Variants in RAP1B observed in about 807,000 individuals in gnomAD.
RAP1B encodes ras-related protein Rap-1b.
A neutral mutation model predicts 27.5 loss-of-function variants in RAP1B; 1 was observed. That is an observed-to-expected ratio of 0.04 (90% CI 0.01 to 0.17). The LOEUF (loss-of-function observed/expected upper bound fraction) is 0.17, where lower values mean the gene tolerates loss of function less well. RAP1B is among the 10% of genes least tolerant of loss of function. RAP1B has a pLI of 1.00. For synonymous variants in RAP1B, 75 were observed against 73.1 expected (o/e 1.03, Z -0.13); for missense variants, 84 against 214.8 (o/e 0.39, Z 3.81).
intron 1 of RAP1B, among the ~76,000 whole-genome samples, chr12:68,636,002 CTGAG>C (rs950295754): frequency 3.3e-5 from 5 of 151,810 alleles, no homozygotes; most frequent in African/African-American, 1.2e-4. Flanking sequence ...CCTCAGCTTC[CTGAG>C]TATCTGGGAC....
chr12:68,663,109 G>GCGC lies in RAP1B; in HGVS notation c.*3861_*3862insGCC, dbSNP rs1874693984. On this transcript the variant is annotated 3_prime_UTR_variant, in exon 8 of 8. Transcript: ENST00000250559. Reference sequence around the variant, plus strand: ...ACTGAGTTTCGCTCTTGTTGCCCAGGCTGGCGTACAGTGGTGCGATCTTGG... The same window carrying GCGC: ...ACTGAGTTTCGCTCTTGTTGCCCAGGCGCCTGGCGTACAGTGGTGCGATCTTGG... 6.6e-6 allele frequency: 1 copy of GCGC among 151,154 alleles called. No homozygotes were observed. Among genetic ancestry groups the GCGC allele is most frequent in the Admixed American group, 6.6e-5 (1 of 15,138 alleles). 9.4% of individuals were successfully genotyped at this position (151,154 alleles called of 1,614,324 possible). A position where few individuals can be genotyped will look rare whatever the true frequency, so the allele number is the denominator to read the frequency against.
At chr12:68,613,404 A>T (rs1592412717) in intron 1 of RAP1B, among the ~76,000 whole-genome samples, 1 of 151,344 alleles carries the variant, frequency 6.6e-6, no homozygotes, top group African/African-American at 2.4e-5. Context: ...AAAAAAAAAA[A>T]AAAAGGAGAT....
intron 1 of RAP1B, among the ~76,000 whole-genome samples, chr12:68,611,884 C>T (rs528768587): frequency 6.6e-6 from 1 of 152,230 alleles, no homozygotes; most frequent in East Asian, 1.9e-4. Context: ...AAAACTACGC[C>T]CAGTGAACCG....
Position 68,665,265 on chromosome 12 carries a change from G to C in RAP1B, c.*6016G>C, listed in dbSNP as rs1284202256. ...AACTAAAGCAACAGATTTGCCAGCT[G>C]TGTGAAAGATAACCCAGAGAGGGGT... is the stretch of plus-strand genomic sequence containing the variant. On this transcript the variant is annotated 3_prime_UTR_variant, in exon 8 of 8. Coordinates refer to ENST00000250559, the MANE Select transcript of RAP1B (RefSeq NM_001010942.3). The C allele has an allele frequency of 2.0e-5, 3 of 152,264 alleles. No homozygotes were observed. The highest frequency in any genetic ancestry group is 4.4e-5 in the Non-Finnish European group (3 of 68,072). 9.4% of individuals were successfully genotyped at this position (152,264 alleles called of 1,614,324 possible). A position where few individuals can be genotyped will look rare whatever the true frequency, so the allele number is the denominator to read the frequency against.
At chr12:68,646,581 C>G (rs960934198) in intron 1 of RAP1B, among the ~76,000 whole-genome samples, 2 of 152,214 alleles carry the variant, frequency 1.3e-5, no homozygotes, top group Non-Finnish European at 2.9e-5. Context: ...GGCCACTGCG[C>G]CCGGCCCACT....
chr12:68,637,297 AT>A (rs1872690590), intron 1 of RAP1B, among the ~76,000 whole-genome samples: 1 of 152,084 alleles, frequency 6.6e-6, no homozygotes. Context: ...TATTTCACAG[AT>A]TAAGACACCA....
At chr12:68,614,853 A>G (rs966801829) in intron 1 of RAP1B, among the ~76,000 whole-genome samples, 6 of 152,194 alleles carry the variant, frequency 3.9e-5, no homozygotes, top group South Asian at 2.1e-4. Context: ...ACTAATTGCC[A>G]TTTGAGGTCT....
chr12:68,615,101 C>G (rs1389538167), intron 1 of RAP1B, among the ~76,000 whole-genome samples: 1 of 152,056 alleles, frequency 6.6e-6, no homozygotes, highest in African/African-American at 2.4e-5. Context: ...TCACCAGCAA[C>G]AAAAAATAGT....
chr12:68,627,277 C>G, intron 1 of RAP1B: 1 of 904,604 alleles, frequency 1.1e-6, no homozygotes, highest in East Asian at 2.4e-5. Context: ...CAATACAACA[C>G]ACAGGCTGCA....
chr12:68,655,369 A>G (rs1874128902), intron 5 of RAP1B, among the ~76,000 whole-genome samples: 1 of 151,992 alleles, frequency 6.6e-6, no homozygotes. Context: ...ATTTTAGCAA[A>G]TATTGTGAGA....
intron 1 of RAP1B, among the ~76,000 whole-genome samples, chr12:68,612,289 C>T (rs1170934158): frequency 2.0e-5 from 3 of 152,150 alleles, no homozygotes; most frequent in Non-Finnish European, 2.9e-5. Context: ...TTTGGACTTG[C>T]TCAACAAGAC....
At chr12:68,642,374 ATGAAAC>A in intron 1 of RAP1B, 1 of 433,158 alleles carries the variant, frequency 2.3e-6, no homozygotes, top group Non-Finnish European at 4.3e-6. Context: ...AAGAAGTTAA[ATGAAAC>A]TGAGTTAGCA....
rs940194296 is a variant in RAP1B, at chr12:68,616,002, C to T, written c.-27+4959C>T. Among the ~76,000 whole-genome samples, 8 of 151,334 alleles carry T rather than the reference C, an allele frequency of 5.3e-5. No individual in the cohort carries two copies. In the East Asian group the frequency reaches 9.7e-4, roughly 18 times the overall value. On this transcript the variant is annotated intron_variant, in intron 1 of 7. Coordinates refer to ENST00000250559, the MANE Select transcript of RAP1B (RefSeq NM_001010942.3). Reference sequence around the variant, plus strand: ...TTTTTGAGATGGAGTCCCACTCTGTCGCCCAGGCTGGAGTGCAGTGGCACG... The same window carrying T: ...TTTTTGAGATGGAGTCCCACTCTGTTGCCCAGGCTGGAGTGCAGTGGCACG...
At chr12:68,623,745 G>C (rs529496761) in intron 1 of RAP1B, among the ~76,000 whole-genome samples, 13 of 152,380 alleles carry the variant, frequency 8.5e-5, no homozygotes, top group African/African-American at 2.9e-4. Flanking sequence ...GTTTCAGGCT[G>C]GGTGTAGTGG....
chr12:68,634,001 G>A (rs957183411), intron 1 of RAP1B, among the ~76,000 whole-genome samples: 6 of 152,196 alleles, frequency 3.9e-5, no homozygotes, highest in Non-Finnish European at 7.3e-5. Flanking sequence ...GTATAAGGTA[G>A]TGGAGTAGAG....
At position 68,657,096 on chromosome 12, in the gene RAP1B, T is replaced by C; in HGVS notation, c.469-5T>C. On this transcript the variant is annotated splice_polypyrimidine_tract_variant and splice_region_variant and intron_variant, in intron 6 of 7. Transcript: ENST00000250559. ...GTAAATTAAAACAAATTATTGTATT[T>C]GCAGATCTTTTATGACCTAGTGCGG... The C allele has an allele frequency of 6.2e-7, 1 of 1,611,494 alleles. No homozygotes were observed. Among genetic ancestry groups the C allele is most frequent in the Non-Finnish European group, 8.5e-7 (1 of 1,178,176 alleles).
At chr12:68,612,621 C>T (rs1870685958) in intron 1 of RAP1B, among the ~76,000 whole-genome samples, 1 of 152,114 alleles carries the variant, frequency 6.6e-6, no homozygotes, top group African/African-American at 2.4e-5. Context: ...AATATTCTTC[C>T]CATATCGCAC....
At chr12:68,654,342 T>A in intron 5 of RAP1B, 90 bp downstream of exon 5, 4 of 199,428 alleles carry the variant, frequency 2.0e-5, no homozygotes, top group Non-Finnish European at 3.6e-5. Flanking sequence ...AAAGCTTGTG[T>A]ATTTTGGTTG....
intron 1 of RAP1B, among the ~76,000 whole-genome samples, chr12:68,633,551 G>T (rs1872415821): frequency 6.6e-6 from 1 of 151,986 alleles, no homozygotes; most frequent in African/African-American, 2.4e-5. Context: ...CAGATTTCTG[G>T]GCCACATAAC....
Sources: gnomAD v4.1 joint callset for allele counts (sites outside exome capture counted in the v4.1 genomes callset) on GRCh38, gnomAD v4.1.1 for gene constraint, MANE v1.5 for transcripts, NCBI Gene and HGNC (gene_info 2026-07-23, HGNC 2026-07-21) for gene names.